Variants in ANKS1B observed in about 807,000 individuals in gnomAD.
ANKS1B encodes the protein ankyrin repeat and sterile alpha motif domain-containing protein 1B.
A neutral mutation model predicts 148.3 loss-of-function variants in ANKS1B; 36 were observed. The observed-to-expected ratio is 0.24, with a 90% CI of 0.19 to 0.32. The LOEUF (loss-of-function observed/expected upper bound fraction) is 0.32, where lower values mean the gene tolerates loss of function less well. Among genes scored for constraint, ANKS1B ranks in the 10% least tolerant of loss-of-function variants. The probability of loss-of-function intolerance (pLI) is 1.00; values close to 1 mark genes in which losing one functional copy is unlikely to be tolerated. For synonymous variants in ANKS1B, 542 were observed against 560.8 expected (o/e 0.97, Z 0.47); for missense variants, 1,157 against 1,542.6 (o/e 0.75, Z 4.19).
chr12:99,301,276 C>T (rs2081563493), intron 12 of ANKS1B, among the ~76,000 whole-genome samples: 1 of 152,146 alleles, frequency 6.6e-6, no homozygotes, highest in Non-Finnish European at 1.5e-5. Context: ...TCCAAAAGGA[C>T]CCACATAGAC....
intron 17 of ANKS1B, among the ~76,000 whole-genome samples, chr12:98,890,894 G>C (rs1282929103): frequency 6.6e-6 from 1 of 152,168 alleles, no homozygotes; most frequent in African/African-American, 2.4e-5. Flanking sequence ...CACCTAATGA[G>C]TCCAACGCAG....
intron 9 of ANKS1B, among the ~76,000 whole-genome samples, chr12:99,506,482 C>A (rs1244815641): frequency 1.3e-5 from 2 of 151,814 alleles, no homozygotes; most frequent in Non-Finnish European, 2.9e-5. Flanking sequence ...TAGAAGGCAT[C>A]CAGAGGAAAG....
chr12:99,617,771 T>G (rs11109946), intron 9 of ANKS1B, among the ~76,000 whole-genome samples: 41,301 of 151,644 alleles, frequency 0.27, 6,028 homozygotes, highest in East Asian at 0.48. Flanking sequence ...AAACCTGCAC[T>G]TTCTGCACAT....
chr12:99,603,112 G>A (rs1290492640), intron 9 of ANKS1B, among the ~76,000 whole-genome samples: 1 of 152,042 alleles, frequency 6.6e-6, no homozygotes, highest in Non-Finnish European at 1.5e-5. Flanking sequence ...TGTGATCTCA[G>A]CTTACTGCAA....
intron 1 of ANKS1B, among the ~76,000 whole-genome samples, chr12:99,911,010 G>C (rs889301650): frequency 6.6e-6 from 1 of 151,948 alleles, no homozygotes; most frequent in Non-Finnish European, 1.5e-5. Context: ...CCAAATAATA[G>C]AGTCTGTTAC....
intron 9 of ANKS1B, among the ~76,000 whole-genome samples, chr12:99,583,325 A>G (rs1464673550): frequency 1.3e-5 from 2 of 152,230 alleles, no homozygotes; most frequent in Non-Finnish European, 2.9e-5. Context: ...GGAAGTATAT[A>G]AACTGTCATT....
chr12:99,423,604 A>C (rs557155480), intron 11 of ANKS1B, among the ~76,000 whole-genome samples: 1 of 152,196 alleles, frequency 6.6e-6, no homozygotes, highest in South Asian at 2.1e-4. Context: ...TCATTGGTAG[A>C]CTGGATTTAA....
chr12:99,891,058 A>G (rs939724077), intron 1 of ANKS1B, among the ~76,000 whole-genome samples: 2 of 152,120 alleles, frequency 1.3e-5, no homozygotes, highest in African/African-American at 4.8e-5. Flanking sequence ...CTTGCATCTG[A>G]CTCCTTTAAA....
intron 17 of ANKS1B, among the ~76,000 whole-genome samples, chr12:98,862,836 G>C (rs2099606342): frequency 2.0e-5 from 3 of 152,156 alleles, no homozygotes; most frequent in Admixed American, 2.0e-4. Context: ...GGCACATTTA[G>C]AGTTCTGAAA....
intron 12 of ANKS1B, among the ~76,000 whole-genome samples, chr12:99,363,854 A>C (rs1238483482): frequency 1.3e-5 from 2 of 152,168 alleles, no homozygotes; most frequent in Non-Finnish European, 2.9e-5. Context: ...GCCAACTTAC[A>C]TGTAAACGGG....
At chr12:99,005,173 AG>A (rs996281244) in intron 17 of ANKS1B, among the ~76,000 whole-genome samples, 4 of 152,220 alleles carry the variant, frequency 2.6e-5, no homozygotes, top group African/African-American at 9.6e-5. Context: ...GTTTCCCACC[AG>A]GGGCCAACTG....
chr12:99,545,271 T>C (rs2097162021), intron 9 of ANKS1B, among the ~76,000 whole-genome samples: 1 of 152,092 alleles, frequency 6.6e-6, no homozygotes, highest in Non-Finnish European at 1.5e-5. Flanking sequence ...TCTGATGGAG[T>C]ATGGCAAATG....
At chr12:99,196,003 AGTT>A (rs2081343213) in intron 14 of ANKS1B, among the ~76,000 whole-genome samples, 1 of 152,152 alleles carries the variant, frequency 6.6e-6, no homozygotes. Context: ...AGCCAATAAA[AGTT>A]ATTATTAATA....
chr12:98,996,577 G>T (rs1476868370), intron 17 of ANKS1B, among the ~76,000 whole-genome samples: 1 of 152,042 alleles, frequency 6.6e-6, no homozygotes, highest in African/African-American at 2.4e-5. Flanking sequence ...CACTTTGGGA[G>T]GTCGAGGCAG....
At chr12:99,694,437 TAAA>T (rs561215216) in intron 8 of ANKS1B, among the ~76,000 whole-genome samples, 1 of 132,884 alleles carries the variant, frequency 7.5e-6, no homozygotes. Flanking sequence ...AGACTTCATC[TAAA>T]AAAAAAAAAA....
At chr12:99,771,218 T>C (rs1011854423) in intron 8 of ANKS1B, among the ~76,000 whole-genome samples, 4 of 152,066 alleles carry the variant, frequency 2.6e-5, no homozygotes, top group Non-Finnish European at 5.9e-5. Flanking sequence ...CTTCCTCAAT[T>C]TGAATTTCTT....
chr12:99,276,416 A>G (rs1480610467), intron 12 of ANKS1B, among the ~76,000 whole-genome samples: 1 of 152,204 alleles, frequency 6.6e-6, no homozygotes, highest in Non-Finnish European at 1.5e-5. Flanking sequence ...ATGGGCCCCA[A>G]TTCAGTATTA....
At chr12:99,089,497 C>T (rs2053311721) in intron 15 of ANKS1B, among the ~76,000 whole-genome samples, 1 of 152,190 alleles carries the variant, frequency 6.6e-6, no homozygotes, top group Non-Finnish European at 1.5e-5. Context: ...AGATACAGAA[C>T]ATCGCCATCA....
At chr12:98,833,640 T>C (rs1304021502) in intron 17 of ANKS1B, among the ~76,000 whole-genome samples, 3 of 152,180 alleles carry the variant, frequency 2.0e-5, no homozygotes, top group African/African-American at 7.2e-5. Flanking sequence ...GCAGGTTTGT[T>C]ACATGAATAC....
Sources: allele counts gnomAD v4.1 joint callset (sites outside exome capture counted in the v4.1 genomes callset), GRCh38; gene constraint gnomAD v4.1.1; transcripts MANE v1.5; gene names NCBI Gene and HGNC (gene_info 2026-07-23, HGNC 2026-07-21).